KCNJ6: variants seen among roughly 807,000 people sequenced by gnomAD.
The protein encoded by KCNJ6 is potassium inwardly rectifying channel subfamily J member 6.
Under a neutral mutation model 34.2 loss-of-function variants are expected in KCNJ6, and 9 were observed. That is an observed-to-expected ratio of 0.26 (90% CI 0.16 to 0.46). The LOEUF (loss-of-function observed/expected upper bound fraction) is 0.46, where lower values mean the gene tolerates loss of function less well. Ranked by LOEUF, KCNJ6 falls within the 20% of genes least tolerant of loss-of-function variation. The probability of loss-of-function intolerance (pLI) is 1.00; values close to 1 mark genes in which losing one functional copy is unlikely to be tolerated. For missense variants in KCNJ6, 236 were observed against 531.3 expected, an observed-to-expected ratio of 0.44 and a Z score of 5.46; for synonymous variants, 196 against 207.1, an observed-to-expected ratio of 0.95 and a Z score of 0.46.
At position 37,615,241 on chromosome 21, in the gene KCNJ6, A is replaced by ATTTTTTTT. The variant is rs2054262036; in HGVS notation, c.*9917_*9918insAAAAAAAA. 7 of 111,856 alleles carry ATTTTTTTT rather than the reference A, an allele frequency of 6.3e-5. 1 individual carries two copies. Among genetic ancestry groups the ATTTTTTTT allele is most frequent in the Non-Finnish European group, 5.2e-5 (3 of 57,970 alleles). 6.9% of individuals were successfully genotyped at this position (111,856 alleles called of 1,614,324 possible). A position where few individuals can be genotyped will look rare whatever the true frequency, so the allele number is the denominator to read the frequency against. ...CAGACCCTCGACTGACATTCCCAGCATTCTTTTTTTTTTTTTTTTTTTTTT... is the reference window on the plus strand; with the variant it reads ...CAGACCCTCGACTGACATTCCCAGCATTTTTTTTTTCTTTTTTTTTTTTTTTTTTTTTT... On this transcript the variant is annotated 3_prime_UTR_variant, in exon 4 of 4. Coordinates refer to ENST00000609713, the MANE Select transcript of KCNJ6 (RefSeq NM_002240.5).
At position 37,619,335 on chromosome 21, in the gene KCNJ6, A is replaced by G. The variant is rs2054283041; in HGVS notation, c.*5824T>C. The stretch of plus-strand genomic sequence containing the variant: ...CTCATCTAAAAACCCCAAGGTCTGG[A>G]CTTTTTCCATCCATTATGTCTGTAA... On this transcript the variant is annotated 3_prime_UTR_variant, in exon 4 of 4. Coordinates refer to ENST00000609713, the MANE Select transcript of KCNJ6 (RefSeq NM_002240.5). The G allele has an allele frequency of 6.6e-6, 1 of 152,186 alleles. No homozygotes were observed. Among genetic ancestry groups the G allele is most frequent in the Non-Finnish European group, 1.5e-5 (1 of 68,032 alleles). 9.4% of individuals were successfully genotyped at this position (152,186 alleles called of 1,614,324 possible). A position where few individuals can be genotyped will look rare whatever the true frequency, so the allele number is the denominator to read the frequency against.
At chr21:37,654,716 A>C (rs2054449753) in intron 3 of KCNJ6, among the ~76,000 whole-genome samples, 2 of 152,210 alleles carry the variant, frequency 1.3e-5, no homozygotes, top group Admixed American at 6.5e-5. Flanking sequence ...TATGAGATTA[A>C]ATGACTGGTC....
intron 2 of KCNJ6, among the ~76,000 whole-genome samples, chr21:37,727,886 T>C (rs912201298): frequency 2.7e-5 from 4 of 148,642 alleles, no homozygotes; most frequent in African/African-American, 1.0e-4. Context: ...GAATTGAATC[T>C]GCATCTAGCA....
intron 3 of KCNJ6, among the ~76,000 whole-genome samples, chr21:37,683,907 G>A (rs1301450464): frequency 6.6e-6 from 1 of 152,238 alleles, no homozygotes; most frequent in Admixed American, 6.5e-5. Flanking sequence ...GTGGGCAGGA[G>A]GCCAGGCATG....
intron 3 of KCNJ6, among the ~76,000 whole-genome samples, chr21:37,697,122 A>T (rs188895810): frequency 6.6e-6 from 1 of 152,236 alleles, no homozygotes; most frequent in Admixed American, 6.5e-5. Context: ...TGCCAAGGGG[A>T]GGAGGGAGCG....
At chr21:37,856,235 A>C (rs577368788) in intron 1 of KCNJ6, among the ~76,000 whole-genome samples, 1 of 152,294 alleles carries the variant, frequency 6.6e-6, no homozygotes, top group African/African-American at 2.4e-5. Context: ...AATGCCATAC[A>C]ATGTTGTGGC....
At chr21:37,752,533 A>G (rs2055001550) in intron 2 of KCNJ6, among the ~76,000 whole-genome samples, 1 of 152,142 alleles carries the variant, frequency 6.6e-6, no homozygotes, top group African/African-American at 2.4e-5. Context: ...GGAGAGGGAA[A>G]GAGAGGAGAA....
chr21:37,659,009 C>A (rs1184920239), intron 3 of KCNJ6, among the ~76,000 whole-genome samples: 2 of 152,242 alleles, frequency 1.3e-5, no homozygotes, highest in Admixed American at 6.5e-5. Context: ...TGGGAACACT[C>A]CTAACTCGTT....
chr21:37,852,974 A>G (rs1273192844), intron 1 of KCNJ6, among the ~76,000 whole-genome samples: 1 of 152,108 alleles, frequency 6.6e-6, no homozygotes, highest in African/African-American at 2.4e-5. Context: ...AAATTATATA[A>G]TCTGGACACT....
At position 37,620,988 on chromosome 21, in the gene KCNJ6, T is replaced by C. The variant is rs1240844496; in HGVS notation, c.*4171A>G. On this transcript the variant is annotated 3_prime_UTR_variant, in exon 4 of 4. Coordinates refer to ENST00000609713, the MANE Select transcript of KCNJ6 (RefSeq NM_002240.5). ...AGGCTAACATTTTCTTAGATACCGG[T>C]TGGCCATAAAGTTCAGAAACAAGAT... 1 of 152,226 alleles carries C rather than the reference T, an allele frequency of 6.6e-6. No individual in the cohort carries two copies. Among genetic ancestry groups the C allele is most frequent in the East Asian group, 1.9e-4 (1 of 5,206 alleles). 9.4% of individuals were successfully genotyped at this position (152,226 alleles called of 1,614,324 possible).
intron 2 of KCNJ6, among the ~76,000 whole-genome samples, chr21:37,730,681 C>G (rs2054879831): frequency 6.6e-6 from 1 of 152,214 alleles, no homozygotes. Flanking sequence ...TAAGAGCCTG[C>G]TTGGTAACAC....
At chr21:37,865,047 C>G (rs900729175) in intron 1 of KCNJ6, among the ~76,000 whole-genome samples, 1 of 152,164 alleles carries the variant, frequency 6.6e-6, no homozygotes, top group Non-Finnish European at 1.5e-5. Context: ...TCAAGAGAAG[C>G]TGGTTTCCTT....
chr21:37,842,610 C>G (rs1186641697), intron 1 of KCNJ6, among the ~76,000 whole-genome samples: 1 of 152,194 alleles, frequency 6.6e-6, no homozygotes. Context: ...GAATTTCACC[C>G]GTGATATTTA....
chr21:37,909,771 A>C (rs992776849), intron 1 of KCNJ6, among the ~76,000 whole-genome samples: 1 of 152,226 alleles, frequency 6.6e-6, no homozygotes, highest in South Asian at 2.1e-4. Context: ...ATGATAGGGA[A>C]AGCAAGGCAT....
chr21:37,851,680 T>A (rs2055538032), intron 1 of KCNJ6, among the ~76,000 whole-genome samples: 1 of 152,030 alleles, frequency 6.6e-6, no homozygotes, highest in East Asian at 1.9e-4. Flanking sequence ...TATCTCTTCT[T>A]TTTTTTTCTC....
chr21:37,699,575 C>T (rs867915003), intron 3 of KCNJ6, among the ~76,000 whole-genome samples: 17 of 152,108 alleles, frequency 1.1e-4, no homozygotes, highest in African/African-American at 2.9e-4. Flanking sequence ...AAAGGGAGTC[C>T]CTGAGCATGT....
At chr21:37,682,808 T>G (rs1179046511) in intron 3 of KCNJ6, among the ~76,000 whole-genome samples, 1 of 152,080 alleles carries the variant, frequency 6.6e-6, no homozygotes, top group African/African-American at 2.4e-5. Context: ...GGGTGTTCCT[T>G]GGGGTGGGGC....
intron 2 of KCNJ6, among the ~76,000 whole-genome samples, chr21:37,812,657 G>T (rs990798829): frequency 3.9e-5 from 6 of 152,070 alleles, no homozygotes; most frequent in Admixed American, 3.9e-4. Flanking sequence ...CAGAATGAGG[G>T]ACAAAACCAT....
chr21:37,691,628 C>T (rs916913092), intron 3 of KCNJ6, among the ~76,000 whole-genome samples: 13 of 152,220 alleles, frequency 8.5e-5, no homozygotes, highest in Admixed American at 2.0e-4. Flanking sequence ...TCTTCAGCCA[C>T]TGCTCAGTGA....
Sources: gnomAD v4.1 joint callset for allele counts (sites outside exome capture counted in the v4.1 genomes callset) on GRCh38, gnomAD v4.1.1 for gene constraint, MANE v1.5 for transcripts, NCBI Gene and HGNC (gene_info 2026-07-23, HGNC 2026-07-21) for gene names.